BTRC: variants seen among roughly 807,000 people sequenced by gnomAD.
BTRC encodes the protein F-box/WD repeat-containing protein 1A.
Under a neutral mutation model 85.5 loss-of-function variants are expected in BTRC, and 42 were observed. That is an observed-to-expected ratio of 0.49 (90% CI 0.38 to 0.64). The LOEUF is 0.64. Among genes scored for constraint, BTRC ranks in the 30% least tolerant of loss-of-function variants. The pLI, the probability that BTRC is intolerant of heterozygous loss-of-function variation, is 0.00. For missense variants in BTRC, 594 were observed against 743.5 expected (o/e 0.80, Z 2.34); for synonymous variants, 255 against 263.3 (o/e 0.97, Z 0.30).
intron 1 of BTRC, among the ~76,000 whole-genome samples, chr10:101,389,983 G>A (rs1405677996): frequency 6.6e-6 from 1 of 151,974 alleles, no homozygotes; most frequent in South Asian, 2.1e-4. Flanking sequence ...CTGACTTTTT[G>A]GTTGAGTCCT....
intron 2 of BTRC, among the ~76,000 whole-genome samples, chr10:101,436,522 T>C (rs562799096): frequency 6.6e-6 from 1 of 152,132 alleles, no homozygotes; most frequent in East Asian, 1.9e-4. Context: ...CTGTCCCAGC[T>C]ATCTGGAAGG....
intron 2 of BTRC, among the ~76,000 whole-genome samples, chr10:101,443,457 A>G (rs957994630): frequency 3.3e-5 from 5 of 152,204 alleles, no homozygotes; most frequent in Admixed American, 2.6e-4. Flanking sequence ...AAAAATACAT[A>G]TGTATAATCA....
At position 101,526,106 on chromosome 10, in the gene BTRC, G is replaced by A. The variant is rs761948466; in HGVS notation, c.650G>A (p.Arg217Gln). 8 of 1,614,138 alleles carry A rather than the reference G, an allele frequency of 5.0e-6. No individual in the cohort carries two copies. The Admixed American group carries it at 6.7e-5, about 13-fold the overall frequency. The change falls in exon 6 of 15, where the codon CGA becomes CAA. Residue 217 changes from arginine to glutamine, a missense_variant. Arg to Gln is a conservative substitution (Grantham distance 43). Coordinates refer to ENST00000370187, the MANE Select transcript of BTRC (RefSeq NM_033637.4). ...AAELVCKEWY[R>Q]VTSDGMLWKK... ...GAACTTGTGTGCAAGGAATGGTACC[G>A]AGTGACCTCTGATGGCATGCTGTGG...
intron 3 of BTRC, among the ~76,000 whole-genome samples, chr10:101,473,882 G>A (rs764299997): frequency 1.3e-5 from 2 of 152,154 alleles, no homozygotes; most frequent in African/African-American, 2.4e-5. Flanking sequence ...ACAGGCATGA[G>A]CCACCATGCG....
At chr10:101,478,742 C>G (rs1177558023) in intron 3 of BTRC, among the ~76,000 whole-genome samples, 1 of 149,322 alleles carries the variant, frequency 6.7e-6, no homozygotes, top group Non-Finnish European at 1.5e-5. Flanking sequence ...GATCTCACCA[C>G]TGTACTTCCA....
chr10:101,389,726 G>A (rs1943189472), intron 1 of BTRC, among the ~76,000 whole-genome samples: 1 of 144,636 alleles, frequency 6.9e-6, no homozygotes, highest in African/African-American at 2.6e-5. Context: ...CTGGGCTCAA[G>A]TGATCCTTCT....
intron 1 of BTRC, among the ~76,000 whole-genome samples, chr10:101,405,075 T>C (rs919859728): frequency 2.6e-5 from 4 of 151,412 alleles, no homozygotes; most frequent in African/African-American, 9.7e-5. Flanking sequence ...GGGGTGAACA[T>C]AGGAGTTCAT....
At chr10:101,411,060 A>G (rs1308374156) in intron 1 of BTRC, among the ~76,000 whole-genome samples, 2 of 147,240 alleles carry the variant, frequency 1.4e-5, no homozygotes, top group Admixed American at 6.8e-5. Flanking sequence ...CACTGGGGCA[A>G]TCTCAGCTCA....
At chr10:101,526,919 G>C (rs183925957) in intron 6 of BTRC, among the ~76,000 whole-genome samples, 1 of 152,294 alleles carries the variant, frequency 6.6e-6, no homozygotes, top group Admixed American at 6.5e-5. Flanking sequence ...GCATCATATA[G>C]TTAGCAGTCT....
At chr10:101,396,695 A>G (rs1179986514) in intron 1 of BTRC, among the ~76,000 whole-genome samples, 2 of 152,104 alleles carry the variant, frequency 1.3e-5, no homozygotes, top group Non-Finnish European at 2.9e-5. Context: ...AACATCAGTC[A>G]CTACTAACGG....
At chr10:101,404,066 C>T (rs1943560762) in intron 1 of BTRC, among the ~76,000 whole-genome samples, 1 of 112,348 alleles carries the variant, frequency 8.9e-6, no homozygotes, top group Non-Finnish European at 1.7e-5. Context: ...GAGTCTCGCT[C>T]TGTCACCCAG....
At chr10:101,519,183 A>G (rs1305295494) in intron 4 of BTRC, among the ~76,000 whole-genome samples, 2 of 147,914 alleles carry the variant, frequency 1.4e-5, no homozygotes, top group East Asian at 4.0e-4. Flanking sequence ...GGTTCAAGTG[A>G]TTCTCCTGCC....
chr10:101,514,469 T>C (rs2061996307), intron 4 of BTRC, among the ~76,000 whole-genome samples: 1 of 152,142 alleles, frequency 6.6e-6, no homozygotes, highest in South Asian at 2.1e-4. Flanking sequence ...TTTAATTTTT[T>C]TTTTTTTTGA....
intron 9 of BTRC, among the ~76,000 whole-genome samples, chr10:101,533,505 C>T (rs893107534): frequency 6.6e-6 from 1 of 152,116 alleles, no homozygotes; most frequent in African/African-American, 2.4e-5. Context: ...GCCATCCCTG[C>T]AGTTTTTAAT....
chr10:101,459,493 T>G (rs2134163688), intron 2 of BTRC, among the ~76,000 whole-genome samples: 1 of 152,334 alleles, frequency 6.6e-6, no homozygotes, highest in Non-Finnish European at 1.5e-5. Context: ...CATTATAAGT[T>G]GGATTTTTTG....
chr10:101,484,371 C>T (rs1415656049), intron 4 of BTRC, among the ~76,000 whole-genome samples: 1 of 152,204 alleles, frequency 6.6e-6, no homozygotes, highest in Non-Finnish European at 1.5e-5. Flanking sequence ...AGCACAGAGT[C>T]CCTTTTCTCA....
At chr10:101,437,697 G>T (rs899504999) in intron 2 of BTRC, among the ~76,000 whole-genome samples, 1 of 152,066 alleles carries the variant, frequency 6.6e-6, no homozygotes, top group Non-Finnish European at 1.5e-5. Context: ...ACATGTTTTT[G>T]AATTGAACAA....
chr10:101,457,541 C>T (rs760068710), intron 2 of BTRC, among the ~76,000 whole-genome samples: 16 of 152,082 alleles, frequency 1.1e-4, no homozygotes, highest in Admixed American at 8.5e-4. Context: ...ACTGAAATTG[C>T]GTGAGTGAAA....
intron 4 of BTRC, among the ~76,000 whole-genome samples, chr10:101,509,075 C>T (rs1946622441): frequency 6.6e-6 from 1 of 151,930 alleles, no homozygotes; most frequent in African/African-American, 2.4e-5. Flanking sequence ...CCAATGGGCG[C>T]TAGCCCTTCG....
Sources: allele counts gnomAD v4.1 joint callset (sites outside exome capture counted in the v4.1 genomes callset), GRCh38; gene constraint gnomAD v4.1.1; transcripts MANE v1.5; gene names NCBI Gene and HGNC (gene_info 2026-07-23, HGNC 2026-07-21).